Variants in RCC2 observed in about 807,000 individuals in gnomAD.
RCC2 encodes regulator of chromosome condensation 2.
A neutral mutation model predicts 64.1 loss-of-function variants in RCC2; 19 were observed. The observed-to-expected ratio is 0.30, with a 90% CI of 0.21 to 0.44. The LOEUF (loss-of-function observed/expected upper bound fraction) is 0.44. Among genes scored for constraint, RCC2 ranks in the 20% least tolerant of loss-of-function variants. RCC2 has a pLI of 1.00. For synonymous variants in RCC2, 325 were observed against 279.6 expected (o/e 1.16, Z -1.62); for missense variants, 508 against 710.4 (o/e 0.72, Z 3.24).
intron 7 of RCC2, among the ~76,000 whole-genome samples, chr1:17,419,540 G>A (rs2075527108): frequency 6.6e-6 from 1 of 152,196 alleles, no homozygotes; most frequent in African/African-American, 2.4e-5. Flanking sequence ...GAGAATAAGC[G>A]ATTCTGTAGC....
At chr1:17,421,232 C>T (rs1018435355) in intron 6 of RCC2, among the ~76,000 whole-genome samples, 2 of 151,986 alleles carry the variant, frequency 1.3e-5, no homozygotes, top group South Asian at 2.1e-4. Flanking sequence ...CTCCTGGGCG[C>T]GGTGGCTCAC....
chr1:17,420,950 T>C, intron 6 of RCC2, 122 bp from the exon 7 acceptor site: 2 of 663,952 alleles, frequency 3.0e-6, no homozygotes, highest in South Asian at 4.0e-5. Flanking sequence ...AACTCAGTAA[T>C]TCTGAAGGCA....
chr1:17,422,864 A>G (rs1221760065), intron 4 of RCC2, 28 bp from the exon 5 acceptor site: 5 of 1,613,066 alleles, frequency 3.1e-6, no homozygotes, highest in Admixed American at 3.3e-5. Context: ...GAAAGTAGAA[A>G]AGAGAGAGGG....
chr1:17,417,174 G>A lies in RCC2; in HGVS notation c.860-528C>T, dbSNP rs1200569786. Among the ~76,000 whole-genome samples the A allele has an allele frequency of 3.3e-5, 5 of 152,178 alleles. No individual in the cohort carries two copies. The East Asian group carries it at 5.8e-4, about 18-fold the overall frequency. On this transcript the variant is annotated intron_variant, in intron 7 of 12. Coordinates refer to ENST00000375436, the MANE Select transcript of RCC2 (RefSeq NM_018715.4). Reference sequence around the variant, plus strand: ...ACCAGTAACCTAAACGTATGGTTACGGGTGGCTAAAGCCTGCAATTCCCAC... The same window carrying A: ...ACCAGTAACCTAAACGTATGGTTACAGGTGGCTAAAGCCTGCAATTCCCAC...
intron 8 of RCC2, among the ~76,000 whole-genome samples, chr1:17,416,077 AAGG>A (rs1175762622): frequency 5.8e-4 from 12 of 20,634 alleles, no homozygotes; most frequent in Non-Finnish European, 8.1e-4. Flanking sequence ...CCAAAAAAAA[AAGG>A]GGGGGGGGGC....
chr1:17,431,956 CG>C (rs1375181705), intron 2 of RCC2, among the ~76,000 whole-genome samples: 2 of 152,056 alleles, frequency 1.3e-5, no homozygotes, highest in African/African-American at 4.8e-5. Context: ...AAAAATTAGC[CG>C]GGTGTCTGTA....
At chr1:17,430,193 A>G (rs1203748029) in intron 2 of RCC2, among the ~76,000 whole-genome samples, 1 of 152,186 alleles carries the variant, frequency 6.6e-6, no homozygotes, top group African/African-American at 2.4e-5. Context: ...GGTTTCCTTC[A>G]GTTTACAGAA....
Position 17,426,494 on chromosome 1 carries a change from G to A in RCC2, c.380-810C>T, listed in dbSNP as rs548180044. Among the ~76,000 whole-genome samples the A allele has an allele frequency of 1.3e-3, 198 of 152,186 alleles. 1 individual carries two copies. Among genetic ancestry groups the A allele is most frequent in the South Asian group, 8.1e-3 (39 of 4,814 alleles). ...GAAGCCCTCCAGGGCAACATCCACT[G>A]AGAAATCTCCTTCCCCCAGGGCTCC... is the stretch of plus-strand genomic sequence containing the variant. On this transcript the variant is annotated intron_variant, in intron 3 of 12. Transcript: ENST00000375436.
chr1:17,417,205 G>C (rs551755276), intron 7 of RCC2, among the ~76,000 whole-genome samples: 4 of 152,168 alleles, frequency 2.6e-5, no homozygotes, highest in African/African-American at 9.7e-5. Flanking sequence ...CCCACACTCC[G>C]AATGACCCAG....
intron 3 of RCC2, among the ~76,000 whole-genome samples, chr1:17,426,295 G>A (rs2075615498): frequency 6.6e-6 from 1 of 152,054 alleles, no homozygotes. Context: ...CTTGAGGAGG[G>A]GCACTGCTCA....
intron 7 of RCC2, 101 bp from the exon 8 acceptor site, chr1:17,416,747 T>A (rs2075490897): frequency 3.3e-6 from 4 of 1,230,482 alleles, no homozygotes; most frequent in African/African-American, 1.5e-5. Flanking sequence ...AGCACCCCAA[T>A]CTGGCCCTTC....
In RCC2 at chr1:17,438,281, C is replaced by T. The variant is rs1376968337; in HGVS notation, c.234G>A (p.Ala78=). 7.7e-7 allele frequency: 1 copy of T among 1,302,248 alleles called. No homozygotes were observed. The highest frequency in any genetic ancestry group is 1.8e-5 in the South Asian group (1 of 55,028). The allele number at this position is 1,302,248 out of a possible 1,614,324, so 80.7% of individuals were successfully genotyped here. A position where few individuals can be genotyped will look rare whatever the true frequency, so the allele number is the denominator to read the frequency against. The change falls in exon 2 of 13, where the codon GCG becomes GCA. Residue 78 remains alanine, a synonymous_variant. Coordinates refer to ENST00000375436, the MANE Select transcript of RCC2 (RefSeq NM_018715.4). ...RAARPATAGK[A]GGAAVVITEP... is the part of the protein sequence containing the mutation. Reference sequence around the variant, plus strand: ...CGGTGATGACCACGGCCGCGCCGCCCGCCTTGCCTGCTGTCGCCGGCCGCG... The same window carrying T: ...CGGTGATGACCACGGCCGCGCCGCCTGCCTTGCCTGCTGTCGCCGGCCGCG...
intron 2 of RCC2, among the ~76,000 whole-genome samples, chr1:17,430,693 T>A (rs528786727): frequency 1.3e-5 from 2 of 151,736 alleles, no homozygotes; most frequent in African/African-American, 4.8e-5. Flanking sequence ...GAGGCTGAGG[T>A]AGAAGAATCC....
chr1:17,438,334 C>T lies in RCC2; in HGVS notation c.181G>A (p.Gly61Arg), dbSNP rs1381231594. Residue 61 changes from glycine (G) to arginine (R), a missense_variant, in exon 2 of 13, where the codon GGG becomes AGG. Gly to Arg is a moderately radical substitution (Grantham distance 125). Transcript: ENST00000375436. ...GCGCGCTTGCCCCCGCCGGGGGCCC[C>T]GTCGAGCTCCAGGCCGTCCTCGTCG... Reference protein sequence around the residue: ...SGDEDGLELDGAPGGGKRAAR... With the variant: ...SGDEDGLELDRAPGGGKRAAR... 2 of 1,249,122 alleles carry T rather than the reference C, an allele frequency of 1.6e-6. No homozygotes were observed. Among genetic ancestry groups the T allele is most frequent in the Non-Finnish European group, 1.0e-6 (1 of 994,260 alleles). 77.4% of individuals were successfully genotyped at this position (1,249,122 alleles called of 1,614,324 possible).
At chr1:17,420,033 G>A (rs779257066) in intron 7 of RCC2, among the ~76,000 whole-genome samples, 4 of 152,210 alleles carry the variant, frequency 2.6e-5, no homozygotes, top group Admixed American at 1.3e-4. Flanking sequence ...AGCAGAGGGC[G>A]CCCGCGCCAC....
Position 17,408,996 on chromosome 1 carries a change from CTTTT to C in RCC2, c.*90_*93del. The C allele has an allele frequency of 9.8e-7, 1 of 1,021,470 alleles. No individual in the cohort carries two copies. Among genetic ancestry groups the C allele is most frequent in the Non-Finnish European group, 1.5e-6 (1 of 647,342 alleles). The allele number at this position is 1,021,470 out of a possible 1,614,324, so 63.3% of individuals were successfully genotyped here. ...AAAATGCACCTTCGGTCAACTTTTG[CTTTT>C]TTAAATTCCTCGTTTGACTTCCCGT... On this transcript the variant is annotated 3_prime_UTR_variant, in exon 13 of 13. Transcript: ENST00000375436.
intron 4 of RCC2, among the ~76,000 whole-genome samples, chr1:17,423,434 A>G (rs2075577570): frequency 6.6e-6 from 1 of 152,184 alleles, no homozygotes; most frequent in African/African-American, 2.4e-5. Flanking sequence ...CAAAGCACAG[A>G]TCCACCCTCA....
At chr1:17,437,809 G>T (rs1194093902) in intron 2 of RCC2, among the ~76,000 whole-genome samples, 1 of 145,104 alleles carries the variant, frequency 6.9e-6, no homozygotes, top group Non-Finnish European at 1.5e-5. Flanking sequence ...CGGGCGCAGC[G>T]GCGGCCACGG....
In RCC2 at chr1:17,408,986, T is replaced by C. The variant is rs2075395856; in HGVS notation, c.*104A>G. The C allele has an allele frequency of 1.1e-6, 1 of 891,260 alleles. No homozygotes were observed. The highest frequency in any genetic ancestry group is 2.4e-5 in the East Asian group (1 of 41,404). 55.2% of individuals were successfully genotyped at this position (891,260 alleles called of 1,614,324 possible). ...AGTCTAAACAAAAATGCACCTTCGG[T>C]CAACTTTTGCTTTTTTAAATTCCTC... On this transcript the variant is annotated 3_prime_UTR_variant, in exon 13 of 13. Transcript: ENST00000375436.
Sources: allele counts gnomAD v4.1 joint callset (sites outside exome capture counted in the v4.1 genomes callset), GRCh38; gene constraint gnomAD v4.1.1; transcripts MANE v1.5; gene names NCBI Gene and HGNC (gene_info 2026-07-23, HGNC 2026-07-21).